KANK1: variants seen among roughly 807,000 people sequenced by gnomAD.
KANK1 encodes the protein KN motif and ankyrin repeat domain-containing protein 1.
In KANK1, 109 loss-of-function variants were observed where a neutral mutation model predicts 106.2. That is an observed-to-expected ratio of 1.03 (90% CI 0.88 to 1.20). The LOEUF is 1.20. Ranked by LOEUF, KANK1 falls within the 50% of genes most tolerant of loss-of-function variation. The pLI is 0.00. For missense variants in KANK1, 2,399 were observed against 1,710.7 expected, an observed-to-expected ratio of 1.40 and a Z score of -7.10; for synonymous variants, 873 against 652.2, an observed-to-expected ratio of 1.34 and a Z score of -5.16.
intron 1 of KANK1, among the ~76,000 whole-genome samples, chr9:599,399 A>T (rs1563835243): frequency 6.6e-6 from 1 of 151,854 alleles, no homozygotes; most frequent in South Asian, 2.1e-4. Flanking sequence ...TATTCCTCCA[A>T]ATATTCTGTA....
intron 3 of KANK1, among the ~76,000 whole-genome samples, chr9:498,053 G>C (rs535220844): frequency 4.7e-4 from 72 of 152,274 alleles, no homozygotes; most frequent in African/African-American, 1.7e-3. Flanking sequence ...CAGGGCACGA[G>C]ATTTCTACCT....
chr9:604,044 G>C (rs367857886), intron 1 of KANK1, among the ~76,000 whole-genome samples: 9 of 151,494 alleles, frequency 5.9e-5, no homozygotes, highest in African/African-American at 2.2e-4. Context: ...TTTATGTTTG[G>C]GGAGGAGAAT....
At chr9:591,150 G>C (rs1397403990) in intron 1 of KANK1, among the ~76,000 whole-genome samples, 2 of 151,544 alleles carry the variant, frequency 1.3e-5, no homozygotes, top group Non-Finnish European at 2.9e-5. Context: ...CTGACTTGCA[G>C]CAACGAGATT....
intron 1 of KANK1, among the ~76,000 whole-genome samples, chr9:545,047 G>T (rs2060847204): frequency 6.6e-6 from 1 of 150,530 alleles, no homozygotes; most frequent in African/African-American, 2.5e-5. Context: ...AGAAAAAGGG[G>T]ACAAATGGCG....
intron 4 of KANK1, chr9:730,508 A>C: frequency 2.3e-6 from 1 of 427,962 alleles, no homozygotes; most frequent in Non-Finnish European, 4.4e-6. Context: ...CCTGGCCAAC[A>C]TGGTGAAACC....
chr9:558,075 G>T (rs1476866640), intron 1 of KANK1, among the ~76,000 whole-genome samples: 1 of 152,198 alleles, frequency 6.6e-6, no homozygotes, highest in East Asian at 1.9e-4. Flanking sequence ...GATCGGATTA[G>T]TCAGATGCTG....
At chr9:671,632 G>A (rs1815143125) in intron 1 of KANK1, among the ~76,000 whole-genome samples, 1 of 81,720 alleles carries the variant, frequency 1.2e-5, no homozygotes, top group South Asian at 3.5e-4. Flanking sequence ...AAAAAAGAGT[G>A]TACTGGTTAA....
At chr9:573,971 G>C (rs991626927) in intron 1 of KANK1, among the ~76,000 whole-genome samples, 1 of 152,252 alleles carries the variant, frequency 6.6e-6, no homozygotes, top group Non-Finnish European at 1.5e-5. Flanking sequence ...TTGCTTGGAG[G>C]AGCCAACCAG....
chr9:644,222 C>A (rs923993248), intron 1 of KANK1, among the ~76,000 whole-genome samples: 1 of 150,772 alleles, frequency 6.6e-6, no homozygotes, highest in Non-Finnish European at 1.5e-5. Context: ...GTCTAGAGAC[C>A]GAACTATAGT....
Position 606,756 on chromosome 9 carries a change from G to A in KANK1, c.-83-70134G>A, listed in dbSNP as rs1002646890. 3.1e-4 allele frequency among the ~76,000 whole-genome samples: 47 copies of A among 151,580 alleles called. 2 individuals are homozygous for A. Among genetic ancestry groups the A allele is most frequent in the Middle Eastern group, 3.4e-3 (1 of 292 alleles). ...TAAAAAGTAGAATTTTTATCTGTTT[G>A]TGGAGAGGACTGAAACCAGTAAGCT... On this transcript the variant is annotated intron_variant, in intron 1 of 11. Coordinates refer to ENST00000382297, the MANE Select transcript of KANK1 (RefSeq NM_015158.5).
chr9:571,091 G>A (rs1466907755), intron 1 of KANK1, among the ~76,000 whole-genome samples: 2 of 152,202 alleles, frequency 1.3e-5, no homozygotes, highest in African/African-American at 4.8e-5. Context: ...TTGCACCTCT[G>A]TTGTGGTATG....
intron 1 of KANK1, among the ~76,000 whole-genome samples, chr9:581,453 C>T (rs2641970): frequency 0.82 from 124,628 of 152,192 alleles, 51,399 homozygotes; most frequent in African/African-American, 0.9. Flanking sequence ...CATTTTGATC[C>T]GTGATCCACT....
At chr9:694,410 C>G (rs928296834) in intron 2 of KANK1, among the ~76,000 whole-genome samples, 23 of 152,196 alleles carry the variant, frequency 1.5e-4, no homozygotes, top group African/African-American at 5.6e-4. Context: ...CAAGCTCATT[C>G]TCTTCTGTGC....
intron 1 of KANK1, among the ~76,000 whole-genome samples, chr9:567,413 TA>T (rs1243263110): frequency 6.6e-6 from 1 of 152,256 alleles, no homozygotes; most frequent in Non-Finnish European, 1.5e-5. Context: ...TGGAAAGTGC[TA>T]TTCTCATTCT....
chr9:528,618 A>G (rs541860653), intron 1 of KANK1, among the ~76,000 whole-genome samples: 1 of 151,400 alleles, frequency 6.6e-6, no homozygotes, highest in Non-Finnish European at 1.5e-5. Flanking sequence ...CCTCTCAAGT[A>G]GCTGCGTTAC....
At chr9:635,670 C>T (rs1588451426) in intron 1 of KANK1, among the ~76,000 whole-genome samples, 1 of 149,288 alleles carries the variant, frequency 6.7e-6, no homozygotes, top group East Asian at 2.0e-4. Flanking sequence ...TCCCTTCATC[C>T]ATTTACCCAC....
At chr9:582,829 C>A (rs778613930) in intron 1 of KANK1, among the ~76,000 whole-genome samples, 1 of 152,178 alleles carries the variant, frequency 6.6e-6, no homozygotes, top group Non-Finnish European at 1.5e-5. Context: ...TTGCCCCTCA[C>A]AAAAGCGTGG....
chr9:579,344 A>G (rs943466408), intron 1 of KANK1, among the ~76,000 whole-genome samples: 1 of 152,196 alleles, frequency 6.6e-6, no homozygotes, highest in Non-Finnish European at 1.5e-5. Context: ...GGAGGATGTT[A>G]TCAGGATACT....
At position 732,495 on chromosome 9, in the gene KANK1, A is replaced by G. The variant is rs760526483; in HGVS notation, c.3123A>G (p.Glu1041=). Residue 1041 remains glutamate (E), a synonymous_variant, in exon 6 of 12, where the codon GAA becomes GAG. Coordinates refer to ENST00000382297, the MANE Select transcript of KANK1 (RefSeq NM_015158.5). The part of the protein sequence containing the change: ...PLEEEEEEED[E]DTRGMAEGHH... ...AAGAAGAGGAGGAGGAGGAGGATGAAGACACTCGGGGAATGGCAGAAGGGC... is the reference window on the plus strand; with the variant it reads ...AAGAAGAGGAGGAGGAGGAGGATGAGGACACTCGGGGAATGGCAGAAGGGC... 4.3e-6 allele frequency: 7 copies of G among 1,614,116 alleles called. No individual in the cohort carries two copies. The Admixed American group carries it at 1.2e-4, about 27-fold the overall frequency.
Sources: allele counts gnomAD v4.1 joint callset (sites outside exome capture counted in the v4.1 genomes callset), GRCh38; gene constraint gnomAD v4.1.1; transcripts MANE v1.5; gene names NCBI Gene and HGNC (gene_info 2026-07-23, HGNC 2026-07-21).